Variants in CDH11 observed in about 807,000 individuals in gnomAD.
CDH11 encodes cadherin 11.
In CDH11, 11 loss-of-function variants were observed where a neutral mutation model predicts 67.8. The observed-to-expected ratio is 0.16, with a 90% confidence interval of 0.10 to 0.27. The LOEUF is 0.27. Ranked by LOEUF, CDH11 falls within the 10% of genes least tolerant of loss-of-function variation. The pLI is 1.00. For synonymous variants in CDH11, 419 were observed against 400.0 expected, an observed-to-expected ratio of 1.05 and a Z score of -0.57; for missense variants, 847 against 1,031.2, an observed-to-expected ratio of 0.82 and a Z score of 2.45.
intron 1 of CDH11, among the ~76,000 whole-genome samples, chr16:65,088,396 A>G (rs1242162836): frequency 1.3e-5 from 2 of 152,238 alleles, no homozygotes; most frequent in East Asian, 3.8e-4. Flanking sequence ...TTGTCATGCT[A>G]AAATGCTCAC....
At chr16:65,114,734 T>C (rs2142891241) in intron 1 of CDH11, among the ~76,000 whole-genome samples, 1 of 152,168 alleles carries the variant, frequency 6.6e-6, no homozygotes, top group Non-Finnish European at 1.5e-5. Context: ...ACCTGGAAGG[T>C]CCAGGAGCCT....
intron 11 of CDH11, among the ~76,000 whole-genome samples, chr16:64,952,890 G>T (rs1391707719): frequency 6.6e-6 from 1 of 152,100 alleles, no homozygotes; most frequent in East Asian, 1.9e-4. Flanking sequence ...TAAAGAAAAT[G>T]TATAATCTTC....
chr16:64,946,680 C>T lies in CDH11; in HGVS notation c.*923G>A, dbSNP rs2071203784. The stretch of plus-strand genomic sequence containing the variant: ...AAGCAGCAGACAGACAACAACAGAT[C>T]ATAAATAGGGTTATTAAAAGATCAC... On this transcript the variant is annotated 3_prime_UTR_variant, in exon 13 of 13. Coordinates refer to ENST00000268603, the MANE Select transcript of CDH11 (RefSeq NM_001797.4). 1 of 953,140 alleles carries T rather than the reference C, an allele frequency of 1.0e-6. No homozygotes were observed. Among genetic ancestry groups the T allele is most frequent in the Non-Finnish European group, 1.3e-6 (1 of 787,764 alleles). 59.0% of individuals were successfully genotyped at this position (953,140 alleles called of 1,614,324 possible).
intron 1 of CDH11, among the ~76,000 whole-genome samples, chr16:65,070,758 T>A (rs181651728): frequency 9.1e-4 from 138 of 152,352 alleles, no homozygotes; most frequent in African/African-American, 3.2e-3. Context: ...TAACTCATAC[T>A]GATTAGAAAC....
rs1022379511 is a variant in CDH11 at position 65,083,121 on chromosome 16, A to G, written c.-297-29193T>C. On this transcript the variant is annotated intron_variant, in intron 1 of 12. Coordinates refer to ENST00000268603, the MANE Select transcript of CDH11 (RefSeq NM_001797.4). ...AACTGAGAGAAATGACTTTTTTTCT[A>G]TTTTGACAATGAACACACTGAAACA... Among the ~76,000 whole-genome samples the G allele has an allele frequency of 3.3e-5, 5 of 152,046 alleles. No individual in the cohort carries two copies. The East Asian group carries it at 9.7e-4, about 29-fold the overall frequency.
chr16:65,085,292 AT>A (rs2074677265), intron 1 of CDH11, among the ~76,000 whole-genome samples: 2 of 152,332 alleles, frequency 1.3e-5, no homozygotes, highest in Non-Finnish European at 2.9e-5. Flanking sequence ...TGGTTAAAGC[AT>A]GATAGAAAAG....
chr16:65,112,471 C>T (rs1452697601), intron 1 of CDH11, among the ~76,000 whole-genome samples: 2 of 152,172 alleles, frequency 1.3e-5, no homozygotes, highest in African/African-American at 4.8e-5. Context: ...GGGGCCCTTA[C>T]AGTATGAAGC....
chr16:65,059,587 A>G (rs1424019261), intron 1 of CDH11: 2 of 152,202 alleles, frequency 1.3e-5, no homozygotes, highest in Non-Finnish European at 2.9e-5. Context: ...TCCAGGCCTG[A>G]TAAAAAGACT....
chr16:65,074,615 G>T (rs897080173), intron 1 of CDH11, among the ~76,000 whole-genome samples: 80 of 152,240 alleles, frequency 5.3e-4, no homozygotes, highest in African/African-American at 1.9e-3. Flanking sequence ...ATGTACCCTT[G>T]TGTGTAATTT....
At chr16:65,001,773 C>T (rs930382704) in intron 3 of CDH11, among the ~76,000 whole-genome samples, 1 of 150,018 alleles carries the variant, frequency 6.7e-6, no homozygotes, top group Non-Finnish European at 1.5e-5. Flanking sequence ...TACTAGGCTC[C>T]ACACACACAC....
chr16:65,007,560 T>G (rs1175991942), intron 2 of CDH11, among the ~76,000 whole-genome samples: 2 of 152,204 alleles, frequency 1.3e-5, no homozygotes, highest in Non-Finnish European at 2.9e-5. Flanking sequence ...AATGAGGCTG[T>G]ATGAAACAAC....
chr16:64,979,321 C>T (rs1395984950), intron 8 of CDH11, among the ~76,000 whole-genome samples: 2 of 152,096 alleles, frequency 1.3e-5, no homozygotes, highest in East Asian at 3.9e-4. Flanking sequence ...GTGGTGTGCA[C>T]CTGTAGTCCC....
chr16:65,069,079 C>T (rs1419728670), intron 1 of CDH11, among the ~76,000 whole-genome samples: 1 of 152,088 alleles, frequency 6.6e-6, no homozygotes, highest in Non-Finnish European at 1.5e-5. Context: ...TAAGTTTCAC[C>T]CATATTGCCA....
chr16:65,027,572 G>A lies in CDH11; in HGVS notation c.-172-22531C>T, dbSNP rs140658435. On this transcript the variant is annotated intron_variant, in intron 2 of 12. Transcript: ENST00000268603. ...GATGAACTAAGGAGCAGATGAAGAC[G>A]TAACAATACAGCAGAGTTACTGTAA... Among the ~76,000 whole-genome samples the A allele has an allele frequency of 2.2e-4, 34 of 152,306 alleles. No individual in the cohort carries two copies. The East Asian group carries it at 4.6e-3, about 21-fold the overall frequency.
chr16:64,959,109 T>G (rs1436448102), intron 11 of CDH11, among the ~76,000 whole-genome samples: 1 of 152,170 alleles, frequency 6.6e-6, no homozygotes, highest in Non-Finnish European at 1.5e-5. Flanking sequence ...CTAACTGAAT[T>G]AGGGAGCTAC....
At chr16:65,042,737 T>TC (rs1330552424) in intron 2 of CDH11, among the ~76,000 whole-genome samples, 2 of 152,162 alleles carry the variant, frequency 1.3e-5, no homozygotes, top group Non-Finnish European at 2.9e-5. Context: ...TGACCTGTCT[T>TC]CCCTCCATCT....
intron 2 of CDH11, among the ~76,000 whole-genome samples, chr16:65,034,617 G>C (rs764029139): frequency 6.6e-6 from 1 of 152,170 alleles, no homozygotes; most frequent in Non-Finnish European, 1.5e-5. Context: ...GATTAAATCA[G>C]ATAATTCTTG....
At chr16:64,968,536 T>C (rs1393251920) in intron 11 of CDH11, 26 of 985,286 alleles carry the variant, frequency 2.6e-5, no homozygotes, top group Non-Finnish European at 3.1e-5. Context: ...GTGTTCTATT[T>C]TCCTGCTGCC....
chr16:64,967,638 A>G (rs974496326), intron 11 of CDH11, among the ~76,000 whole-genome samples: 8 of 152,348 alleles, frequency 5.3e-5, no homozygotes, highest in African/African-American at 1.7e-4. Flanking sequence ...GATTTGTATT[A>G]CATACTATTA....
Sources: gnomAD v4.1 joint callset for allele counts (sites outside exome capture counted in the v4.1 genomes callset) on GRCh38, gnomAD v4.1.1 for gene constraint, MANE v1.5 for transcripts, NCBI Gene and HGNC (gene_info 2026-07-23, HGNC 2026-07-21) for gene names.